The following SP140 variants were observed in gnomAD, a reference collection of about 807,000 sequenced individuals.
The protein encoded by SP140 is SP140 nuclear body protein.
A neutral mutation model predicts 125.0 loss-of-function variants in SP140; 81 were observed. That is an observed-to-expected ratio of 0.65 (90% CI 0.54 to 0.78). The LOEUF is 0.78. Among genes scored for constraint, SP140 ranks in the 30% least tolerant of loss-of-function variants. SP140 has a pLI of 0.00. For synonymous variants in SP140, 312 were observed against 354.0 expected (o/e 0.88, Z 1.33); for missense variants, 858 against 1,037.0 (o/e 0.83, Z 2.37).
At chr2:230,201,692 G>A (rs879575362), upstream of SP140, among the ~76,000 whole-genome samples, 3 of 152,218 alleles carry the variant, frequency 2.0e-5, no homozygotes, top group Non-Finnish European at 2.9e-5. Flanking sequence ...TGAGATACAA[G>A]CTCACTGTAT....
At position 230,211,512 on chromosome 2, in the gene SP140, C is replaced by G. The variant is rs1201536375; in HGVS notation, c.-322-2142C>G. The G allele has an allele frequency of 1.2e-6, 2 of 1,612,332 alleles. No individual in the cohort carries two copies. Among genetic ancestry groups the G allele is most frequent in the Non-Finnish European group, 1.7e-6 (2 of 1,178,370 alleles). ...GGAGAGTGGGGCATCTCTTGAGGGTCTTCTTTATCTCTTATTTGGGGGATC... is the reference window on the plus strand; with the variant it reads ...GGAGAGTGGGGCATCTCTTGAGGGTGTTCTTTATCTCTTATTTGGGGGATC... On this transcript the variant is annotated intron_variant, in intron 1 of 4. Transcript: ENST00000456542. This position sits in a 1 kb window ranked among gnomAD's most constrained non-coding sequence, Gnocchi z 4.2.
chr2:230,278,540 G>A (rs951156336), intron 15 of SP140, among the ~76,000 whole-genome samples: 2 of 151,916 alleles, frequency 1.3e-5, no homozygotes, highest in African/African-American at 2.4e-5. Flanking sequence ...TTTTGTTCCT[G>A]TGCTTCTGGT....
chr2:230,209,588 C>A (rs1279675664), intron 1 of SP140, among the ~76,000 whole-genome samples: 1 of 152,050 alleles, frequency 6.6e-6, no homozygotes, highest in Non-Finnish European at 1.5e-5. Context: ...GAATGCCTAG[C>A]CATGTCTTAA....
chr2:230,311,796 AC>A (rs2059352967), intron 26 of SP140, among the ~76,000 whole-genome samples: 2 of 152,174 alleles, frequency 1.3e-5, no homozygotes, highest in African/African-American at 2.4e-5. Context: ...TGCAACCAGA[AC>A]CCCAGGTCCC....
chr2:230,216,747 C>A (rs2045228563), intron 3 of SP140: 1 of 1,612,388 alleles, frequency 6.2e-7, no homozygotes, highest in Non-Finnish European at 8.5e-7. Context: ...TTGGTGGGGG[C>A]TGGGCTGCCA....
At position 230,237,233 on chromosome 2, in the gene SP140, C is replaced by G; in HGVS notation, c.210C>G (p.Arg70=). The change falls in exon 2 of 27, where the codon CGC becomes CGG. Residue 70 remains arginine, a synonymous_variant. Transcript: ENST00000392045. The surrounding 1 kb of genome is among the most constrained non-coding windows in gnomAD (Gnocchi z 5.4). ...CTTTCCTTATGGGCCTCCGAGACCG[C>G]TCCTTCATCTCCGAGCAGATGTATG... ...PFPFLMGLRD[R]SFISEQMYEH... is the part of the protein sequence containing the mutation. The G allele has an allele frequency of 7.4e-6, 12 of 1,612,168 alleles. No individual in the cohort carries two copies. The highest frequency in any genetic ancestry group is 1.0e-5 in the Non-Finnish European group (12 of 1,179,442).
chr2:230,222,229 C>CA (rs1204772131), upstream of SP140, among the ~76,000 whole-genome samples: 1,672 of 77,072 alleles, frequency 0.022, 13 homozygotes, highest in East Asian at 0.084. Flanking sequence ...GATCCCGCCT[C>CA]AAAAAAAAAA....
At chr2:230,285,934 G>T (rs566728637) in intron 17 of SP140, 102 bp downstream of exon 17, 3 of 877,820 alleles carry the variant, frequency 3.4e-6, no homozygotes, top group African/African-American at 3.3e-5. Context: ...TACTCATCAA[G>T]CTTAGTCAAT....
upstream of SP140, among the ~76,000 whole-genome samples, chr2:230,201,398 T>C (rs1335947819): frequency 6.6e-6 from 1 of 152,244 alleles, no homozygotes; most frequent in Non-Finnish European, 1.5e-5. Flanking sequence ...ATAAAACTGC[T>C]GGTGCCTTAA....
Position 230,247,911 on chromosome 2 carries a change from C to G in SP140, c.743-5C>G, listed in dbSNP as rs745945367. ...ACTCTCAGAGATGCCTTTTTTGATC[C>G]CTAGTTCTAGAAAGCAACGGGATGA... is the stretch of plus-strand genomic sequence containing the variant. On this transcript the variant is annotated splice_region_variant and splice_polypyrimidine_tract_variant and intron_variant, in intron 7 of 26. Transcript: ENST00000392045. 2.5e-6 allele frequency: 4 copies of G among 1,608,244 alleles called. No homozygotes were observed. The African/African-American group carries it at 5.4e-5, about 22-fold the overall frequency.
At position 230,294,460 on chromosome 2, in the gene SP140, A is replaced by C. The variant is rs1022748427; in HGVS notation, c.2016+142A>C. 9.5e-6 allele frequency: 6 copies of C among 634,484 alleles called. No individual in the cohort carries two copies. In the African/African-American group the frequency reaches 1.1e-4, roughly 12 times the overall value. 39.3% of individuals were successfully genotyped at this position (634,484 alleles called of 1,614,324 possible). ...CTACTCACCTTAAAATACTTTTTGC[A>C]TGTATTCCTTCAGAGTCGCTAATTT... On this transcript the variant is annotated intron_variant, in intron 21 of 26. Transcript: ENST00000392045.
intron 15 of SP140, among the ~76,000 whole-genome samples, chr2:230,278,688 A>C (rs2055078689): frequency 6.6e-6 from 1 of 152,090 alleles, no homozygotes; most frequent in Non-Finnish European, 1.5e-5. Flanking sequence ...GGTGTAAGCC[A>C]AGCGTCTAAT....
chr2:230,311,678 C>T (rs1004043579), intron 26 of SP140, 83 bp downstream of exon 26: 1 of 1,570,556 alleles, frequency 6.4e-7, no homozygotes, highest in African/African-American at 1.4e-5. Context: ...TAGTTTCCCT[C>T]ATCCTGTAAT....
intron 18 of SP140, among the ~76,000 whole-genome samples, chr2:230,289,416 C>T (rs1476641695): frequency 6.6e-6 from 1 of 152,126 alleles, no homozygotes; most frequent in East Asian, 1.9e-4. Context: ...TGTAGGTAGG[C>T]CAACCATCTT....
At position 230,237,163 on chromosome 2, in the gene SP140, G is replaced by C; in HGVS notation, c.140G>C (p.Arg47Thr). 1 of 1,613,800 alleles carries C rather than the reference G, an allele frequency of 6.2e-7. No homozygotes were observed. Among genetic ancestry groups the C allele is most frequent in the Non-Finnish European group, 8.5e-7 (1 of 1,179,864 alleles). The change falls in exon 2 of 27, where the codon AGA becomes ACA. Residue 47 changes from arginine to threonine, a missense_variant. Arg to Thr is a moderately conservative substitution (Grantham distance 71). This residue lies in a region of SP140 where 791 missense variants were observed against 869.5 expected (regional missense o/e 0.91). Coordinates refer to ENST00000392045, the MANE Select transcript of SP140 (RefSeq NM_007237.5). The surrounding 1 kb of genome is among the most constrained non-coding windows in gnomAD (Gnocchi z 5.4). ...CCTGAGCCCATTTTCAGGTTCTTCAGAGAAAACAAGGTGGAGATTGCAAGT... is the reference window on the plus strand; with the variant it reads ...CCTGAGCCCATTTTCAGGTTCTTCACAGAAAACAAGGTGGAGATTGCAAGT... ...VCPEPIFRFFRENKVEIASAI... is the reference protein window; with the variant it reads ...VCPEPIFRFFTENKVEIASAI...
rs1243476847 is a variant in SP140 at position 230,237,314 on chromosome 2, A to G, written c.237+54A>G. ...ACCAGGTCCATACTCAATTATGCCA[A>G]ACTTCAAGATGCAATGAGCAGGCTA... On this transcript the variant is annotated intron_variant, in intron 2 of 26. Coordinates refer to ENST00000392045, the MANE Select transcript of SP140 (RefSeq NM_007237.5). This position sits in a 1 kb window ranked among gnomAD's most constrained non-coding sequence, Gnocchi z 5.4. 4 of 1,538,572 alleles carry G rather than the reference A, an allele frequency of 2.6e-6. No homozygotes were observed. Among genetic ancestry groups the G allele is most frequent in the African/African-American group, 1.4e-5 (1 of 72,204 alleles).
chr2:230,304,371 A>G (rs529746002), intron 22 of SP140, among the ~76,000 whole-genome samples: 1 of 152,314 alleles, frequency 6.6e-6, no homozygotes, highest in African/African-American at 2.4e-5. Flanking sequence ...TCAAAATACC[A>G]TGATCATTTT....
upstream of SP140, chr2:230,225,432 C>T (rs2046204563): frequency 3.2e-6 from 1 of 316,612 alleles, no homozygotes; most frequent in Non-Finnish European, 6.2e-6. Flanking sequence ...TGGAGCCTGA[C>T]TGAAGATTTG....
chr2:230,237,117 A>G lies in SP140; in HGVS notation c.94A>G (p.Asn32Asp), dbSNP rs774338452. Reference protein sequence around the residue: ...VAEIQNVEGQNLQEQVCPEPI... With the variant: ...VAEIQNVEGQDLQEQVCPEPI... ...AGAGATCCAGAACGTAGAGGGTCAG[A>G]ACCTGCAGGAGCAGGTTTGCCCTGA... The change falls in exon 2 of 27, where the codon AAC becomes GAC. Residue 32 changes from asparagine to aspartate, a missense_variant. This residue lies in a region of SP140 where 791 missense variants were observed against 869.5 expected (regional missense o/e 0.91). Coordinates refer to ENST00000392045, the MANE Select transcript of SP140 (RefSeq NM_007237.5). The surrounding 1 kb of genome is among the most constrained non-coding windows in gnomAD (Gnocchi z 5.4). 8.1e-6 allele frequency: 13 copies of G among 1,608,804 alleles called. No homozygotes were observed. The South Asian group carries it at 1.3e-4, about 16-fold the overall frequency.
Sources: allele counts gnomAD v4.1 joint callset (sites outside exome capture counted in the v4.1 genomes callset), GRCh38; gene constraint gnomAD v4.1.1; regional missense constraint gnomAD v4.1.1; non-coding constraint Gnocchi (gnomAD v3.1); transcripts MANE v1.5; gene names NCBI Gene and HGNC (gene_info 2026-07-23, HGNC 2026-07-21).